Variants in NOSTRIN observed in about 807,000 individuals in gnomAD.
The protein encoded by NOSTRIN is BM247 homolog.
A neutral mutation model predicts 59.0 loss-of-function variants in NOSTRIN; 63 were observed. The observed-to-expected ratio is 1.07, with a 90% CI of 0.87 to 1.32. The LOEUF is 1.32. Among genes scored for constraint, NOSTRIN ranks in the 40% most tolerant of loss-of-function variants. NOSTRIN has a pLI of 0.00. For synonymous variants in NOSTRIN, 200 were observed against 165.4 expected (o/e 1.21, Z -1.61); for missense variants, 512 against 473.1 (o/e 1.08, Z -0.76).
At position 168,821,010 on chromosome 2, in the gene NOSTRIN, G is replaced by T. The variant is rs114930332; in HGVS notation, c.114-3624G>T. Reference sequence around the variant, plus strand: ...TCTGGAGCCAACGGACAAGAAAACGGGATTCTTCCTCCCACACCATCCCCA... The same window carrying T: ...TCTGGAGCCAACGGACAAGAAAACGTGATTCTTCCTCCCACACCATCCCCA... On this transcript the variant is annotated intron_variant, in intron 2 of 15. Transcript: ENST00000317647. 6.6e-3 allele frequency among the ~76,000 whole-genome samples: 1,000 copies of T among 152,100 alleles called. 8 individuals carry two copies. Among genetic ancestry groups the T allele is most frequent in the African/African-American group, 0.023 (935 of 41,490 alleles).
At chr2:168,818,247 G>A (rs151255556) in intron 2 of NOSTRIN, 34 of 437,226 alleles carry the variant, frequency 7.8e-5, no homozygotes, top group African/African-American at 4.6e-4. Context: ...TCAGACTCCT[G>A]TGCTCGCGAA....
chr2:168,806,315 A>G (rs1325855764), intron 1 of NOSTRIN, among the ~76,000 whole-genome samples: 2 of 152,270 alleles, frequency 1.3e-5, no homozygotes, highest in African/African-American at 2.4e-5. Flanking sequence ...AAATTTTTCT[A>G]TAACTTTTTC....
chr2:168,863,561 T>C, intron 15 of NOSTRIN: 1 of 985,334 alleles, frequency 1.0e-6, no homozygotes, highest in Non-Finnish European at 1.2e-6. Context: ...TTTATTTGAA[T>C]CATTGCTTTA....
At position 168,855,185 on chromosome 2, in the gene NOSTRIN, C is replaced by T. The variant is rs78573157; in HGVS notation, c.856-167C>T. ...CAATATTTTCTTATTCATCAGGTCT[C>T]GAACAGGTAGAACAATGTGTGTAAA... On this transcript the variant is annotated intron_variant, in intron 10 of 15. Coordinates refer to ENST00000317647, the MANE Select transcript of NOSTRIN (RefSeq NM_001039724.4). 7.2e-3 allele frequency among the ~76,000 whole-genome samples: 1,094 copies of T among 152,244 alleles called. 3 individuals are homozygous for T. Among genetic ancestry groups the T allele is most frequent in the Middle Eastern group, 0.014 (4 of 294 alleles).
At chr2:168,844,672 C>A (rs556641765) in intron 8 of NOSTRIN, among the ~76,000 whole-genome samples, 42 of 152,238 alleles carry the variant, frequency 2.8e-4, no homozygotes, top group African/African-American at 1.0e-3. Flanking sequence ...AGATCGAGAC[C>A]ATCCTGGCTA....
At chr2:168,831,830 T>C (rs1013598364) in intron 6 of NOSTRIN, among the ~76,000 whole-genome samples, 2 of 152,192 alleles carry the variant, frequency 1.3e-5, no homozygotes, top group Admixed American at 6.5e-5. Context: ...ATTTTACAGA[T>C]TGGGCAATGG....
rs11374385 is a variant in NOSTRIN, at chr2:168,824,768, TTTTG to T, written c.197+71_197+74del. On this transcript the variant is annotated intron_variant, in intron 3 of 15. Transcript: ENST00000317647. ...AAAATCAACCCTTTTTTTATTTGTT[TTTTG>T]TTTGTTTGTTTGTTTGTTTTTTGAG... The T allele has an allele frequency of 7.2e-5, 53 of 736,774 alleles. 1 individual carries two copies. Among genetic ancestry groups the T allele is most frequent in the Admixed American group, 2.1e-4 (11 of 51,600 alleles). The allele number at this position is 736,774 out of a possible 1,614,324, so 45.6% of individuals were successfully genotyped here.
upstream of NOSTRIN, among the ~76,000 whole-genome samples, chr2:168,795,292 C>T (rs1047197683): frequency 2.0e-5 from 3 of 152,186 alleles, no homozygotes; most frequent in African/African-American, 7.2e-5. Flanking sequence ...ATTTGTAAGA[C>T]TGATTGCAGA....
intron 8 of NOSTRIN, among the ~76,000 whole-genome samples, chr2:168,847,121 G>C (rs1688478917): frequency 6.6e-6 from 1 of 152,120 alleles, no homozygotes; most frequent in Non-Finnish European, 1.5e-5. Flanking sequence ...AATTAAAGTG[G>C]TATTTTCAGA....
chr2:168,828,657 TAAAA>T (rs1261236330), intron 5 of NOSTRIN, among the ~76,000 whole-genome samples, 156 bp downstream of exon 5: 3 of 151,980 alleles, frequency 2.0e-5, no homozygotes, highest in African/African-American at 7.2e-5. Context: ...AAATGAATAA[TAAAA>T]AACACAAATC....
At chr2:168,812,897 G>T (rs1686222870) in intron 2 of NOSTRIN, among the ~76,000 whole-genome samples, 1 of 152,124 alleles carries the variant, frequency 6.6e-6, no homozygotes, top group Admixed American at 6.6e-5. Context: ...CAAGACAAAA[G>T]GAAAACATTA....
intron 13 of NOSTRIN, among the ~76,000 whole-genome samples, chr2:168,860,090 A>T (rs1261946831): frequency 6.6e-6 from 1 of 152,138 alleles, no homozygotes; most frequent in African/African-American, 2.4e-5. Context: ...CAGAAGGGGG[A>T]ACTGTAATCA....
At chr2:168,792,718 G>A (rs1365379691) in intron 2 of NOSTRIN, among the ~76,000 whole-genome samples, 3 of 152,092 alleles carry the variant, frequency 2.0e-5, no homozygotes, top group Non-Finnish European at 4.4e-5. Flanking sequence ...GACCTCAGGT[G>A]ATCCACCTGC....
rs1188302412 is a variant in NOSTRIN, at chr2:168,792,850, A to G, written c.-473+4802A>G. On this transcript the variant is annotated intron_variant, in intron 2 of 20. Transcript: ENST00000458381. ...ACAGTAATAATAGTAAATGTTTATTAAACAGTCGTTATGTATACTCTGCTG... is the reference window on the plus strand; with the variant it reads ...ACAGTAATAATAGTAAATGTTTATTGAACAGTCGTTATGTATACTCTGCTG... Among the ~76,000 whole-genome samples, 5 of 152,220 alleles carry G rather than the reference A, an allele frequency of 3.3e-5. No individual in the cohort carries two copies. The South Asian group carries it at 1.0e-3, about 31-fold the overall frequency.
At chr2:168,809,970 T>A (rs1441007974) in intron 1 of NOSTRIN, among the ~76,000 whole-genome samples, 1 of 150,634 alleles carries the variant, frequency 6.6e-6, no homozygotes, top group South Asian at 2.1e-4. Flanking sequence ...TTGCTACCAT[T>A]AAAAAAAAAT....
chr2:168,815,568 T>A (rs779402579), intron 2 of NOSTRIN, among the ~76,000 whole-genome samples: 14 of 152,124 alleles, frequency 9.2e-5, no homozygotes, highest in Admixed American at 7.2e-4. Context: ...AAGAAGGAGG[T>A]ATAGTTGACC....
chr2:168,848,136 T>C (rs955726638), intron 8 of NOSTRIN, among the ~76,000 whole-genome samples: 1 of 152,230 alleles, frequency 6.6e-6, no homozygotes, highest in African/African-American at 2.4e-5. Flanking sequence ...TTTTTGAAGA[T>C]TGTCACATAG....
chr2:168,830,137 G>T (rs1266189379), intron 5 of NOSTRIN, among the ~76,000 whole-genome samples: 1 of 152,098 alleles, frequency 6.6e-6, no homozygotes, highest in Non-Finnish European at 1.5e-5. Flanking sequence ...CCAATTACTA[G>T]TCTATATTTC....
chr2:168,843,059 AC>A lies in NOSTRIN; in HGVS notation c.573del (p.Asn191LysfsTer9). Reference sequence around the variant, plus strand: ...GAAGATGAAAATTACTACCAAAAAAACATGGCGGGTTATTCTACCAGACTGA... The same window carrying A: ...GAAGATGAAAATTACTACCAAAAAAAATGGCGGGTTATTCTACCAGACTGA... ...EKEDENYYQK[N>X]MAGYSTRLKW... is the part of the protein sequence containing the mutation. On this transcript the variant is annotated frameshift_variant, in exon 8 of 16. Coordinates refer to ENST00000317647, the MANE Select transcript of NOSTRIN (RefSeq NM_001039724.4). LOFTEE classifies it high-confidence loss of function. 1.1e-6 allele frequency: 1 copy of A among 872,834 alleles called. No homozygotes were observed. 54.1% of individuals were successfully genotyped at this position (872,834 alleles called of 1,614,324 possible).
Sources: allele counts gnomAD v4.1 joint callset (sites outside exome capture counted in the v4.1 genomes callset), GRCh38; gene constraint gnomAD v4.1.1; transcripts MANE v1.5; gene names NCBI Gene and HGNC (gene_info 2026-07-23, HGNC 2026-07-21).